Variants in CLPTM1 observed in about 807,000 individuals in gnomAD.
The protein encoded by CLPTM1 is CLPTM1 regulator of GABA type A receptor forward trafficking.
A neutral mutation model predicts 77.3 loss-of-function variants in CLPTM1; 21 were observed. That is an observed-to-expected ratio of 0.27 (90% CI 0.19 to 0.39). The LOEUF (loss-of-function observed/expected upper bound fraction) is 0.39, where lower values mean the gene tolerates loss of function less well. Ranked by LOEUF, CLPTM1 falls within the 10% of genes least tolerant of loss-of-function variation. The pLI is 1.00. For synonymous variants in CLPTM1, 373 were observed against 381.0 expected (o/e 0.98, Z 0.24); for missense variants, 642 against 921.2 (o/e 0.70, Z 3.92).
intron 7 of CLPTM1, chr19:44,986,780 A>G: frequency 3.3e-6 from 2 of 604,236 alleles, no homozygotes; most frequent in South Asian, 2.3e-5. Context: ...TGACTTCTAC[A>G]CGCCAGCATC....
chr19:44,966,402 C>T (rs535418878), intron 2 of CLPTM1, among the ~76,000 whole-genome samples: 1 of 132,716 alleles, frequency 7.5e-6, no homozygotes, highest in East Asian at 2.2e-4. Flanking sequence ...CAGAGCGAGA[C>T]ACAGTCTCAA....
At chr19:44,978,675 T>C (rs1160968220) in intron 5 of CLPTM1, among the ~76,000 whole-genome samples, 1 of 152,146 alleles carries the variant, frequency 6.6e-6, no homozygotes, top group Non-Finnish European at 1.5e-5. Context: ...CCACTTCTAC[T>C]CCCATGATAA....
intron 5 of CLPTM1, chr19:44,984,533 C>T (rs1433057642): frequency 3.3e-5 from 5 of 152,316 alleles, no homozygotes; most frequent in Non-Finnish European, 5.9e-5. Context: ...GTTCCTGGGA[C>T]ACGGGGCAGC....
intron 1 of CLPTM1, among the ~76,000 whole-genome samples, chr19:44,958,675 T>C (rs1477980382): frequency 6.6e-6 from 1 of 152,130 alleles, no homozygotes; most frequent in African/African-American, 2.4e-5. Flanking sequence ...TCCAGCCTTG[T>C]GGTATAATTT....
chr19:44,976,042 A>T (rs1970801356), intron 4 of CLPTM1, among the ~76,000 whole-genome samples: 1 of 151,846 alleles, frequency 6.6e-6, no homozygotes, highest in African/African-American at 2.4e-5. Context: ...TTTTGTAGAG[A>T]TGGGGTCTCA....
intron 1 of CLPTM1, 105 bp from the exon 2 acceptor site, chr19:44,961,858 G>A (rs146293803): frequency 2.4e-5 from 15 of 627,088 alleles, no homozygotes; most frequent in African/African-American, 1.5e-4. Context: ...TTATTGATAA[G>A]CACCCACTCT....
chr19:44,955,378 G>C, upstream of CLPTM1: 3 of 1,328,500 alleles, frequency 2.3e-6, no homozygotes, highest in Middle Eastern at 2.8e-4. Flanking sequence ...GGCGGGGGCG[G>C]GGACCCGGAG....
intron 2 of CLPTM1, among the ~76,000 whole-genome samples, chr19:44,966,562 G>T (rs974546626): frequency 6.6e-6 from 1 of 152,118 alleles, no homozygotes; most frequent in Non-Finnish European, 1.5e-5. Context: ...GTCAGATAGC[G>T]TGTAAGAGCA....
intron 1 of CLPTM1, among the ~76,000 whole-genome samples, chr19:44,960,344 T>C (rs1010739881): frequency 6.6e-6 from 1 of 152,212 alleles, no homozygotes; most frequent in Admixed American, 6.5e-5. Flanking sequence ...ACCGTTCTAG[T>C]GTGTTTCCTT....
At chr19:44,958,413 C>T (rs1015983260) in intron 1 of CLPTM1, among the ~76,000 whole-genome samples, 4 of 150,624 alleles carry the variant, frequency 2.7e-5, no homozygotes, top group African/African-American at 7.3e-5. Flanking sequence ...TTTTCTGAGA[C>T]GGAGTCTCGC....
rs908610675 is a variant in CLPTM1, at chr19:44,961,964, T to C, written c.74T>C (p.Val25Ala). The C allele has an allele frequency of 6.2e-7, 1 of 1,601,134 alleles. No individual in the cohort carries two copies. The highest frequency in any genetic ancestry group is 8.5e-7 in the Non-Finnish European group (1 of 1,175,032). Residue 25 changes from valine to alanine, a missense_variant and splice_region_variant, in exon 2 of 14, where the codon GTG (valine) becomes GCG (alanine). Val to Ala is a moderately conservative substitution (Grantham distance 64). This residue lies in a region of CLPTM1 where 121 missense variants were observed against 120.8 expected (regional missense o/e 1.00). Coordinates refer to ENST00000337392, the MANE Select transcript of CLPTM1 (RefSeq NM_001294.4). The part of the protein sequence containing the change: ...VAAGGGSSGQ[V>A]TSNGSIGRDP... The stretch of plus-strand genomic sequence containing the variant: ...TACCCTGGCCTCTGTCCCCCACAGG[T>C]GACCAGCAATGGCAGCATCGGGAGG...
At chr19:44,985,130 C>A in intron 5 of CLPTM1, 88 bp from the exon 6 acceptor site, 1 of 851,318 alleles carries the variant, frequency 1.2e-6, no homozygotes, top group Admixed American at 2.0e-5. Flanking sequence ...AGACCGTGAG[C>A]CGTTGCTGGT....
rs376584531 is a variant in CLPTM1 at position 44,992,936 on chromosome 19, A to G, written c.*39A>G. ...TCACCTGCTCCGGCTCCTGGCGACCACTACCCCTGCGTCCCGGCCCCCTCG... is the reference window on the plus strand; with the variant it reads ...TCACCTGCTCCGGCTCCTGGCGACCGCTACCCCTGCGTCCCGGCCCCCTCG... On this transcript the variant is annotated 3_prime_UTR_variant, in exon 14 of 14. Transcript: ENST00000337392. The surrounding 1 kb of genome is among the most constrained non-coding windows in gnomAD (Gnocchi z 7.7). 2.5e-6 allele frequency: 4 copies of G among 1,598,462 alleles called. No individual in the cohort carries two copies. The highest frequency in any genetic ancestry group is 2.6e-6 in the Non-Finnish European group (3 of 1,173,734).
At position 44,990,795 on chromosome 19, in the gene CLPTM1, C is replaced by T; in HGVS notation, c.1324-55C>T. The T allele has an allele frequency of 1.3e-6, 2 of 1,484,080 alleles. No homozygotes were observed. The highest frequency in any genetic ancestry group is 1.9e-6 in the Non-Finnish European group (2 of 1,068,212). The allele number at this position is 1,484,080 out of a possible 1,614,324, so 91.9% of individuals were successfully genotyped here. A position where few individuals can be genotyped will look rare whatever the true frequency, so the allele number is the denominator to read the frequency against. On this transcript the variant is annotated intron_variant, in intron 10 of 13. Transcript: ENST00000337392. This position sits in a 1 kb window ranked among gnomAD's most constrained non-coding sequence, Gnocchi z 4.8. The stretch of plus-strand genomic sequence containing the variant: ...GGGGAAGGGCAGGGGCTGGTTCTGG[C>T]TTGTGGGGTGGGAGCCAGCGTAGCA...
At chr19:44,966,856 T>C (rs1600016827) in intron 2 of CLPTM1, among the ~76,000 whole-genome samples, 1 of 151,980 alleles carries the variant, frequency 6.6e-6, no homozygotes, top group Non-Finnish European at 1.5e-5. Flanking sequence ...TCTCTTTTTT[T>C]TGGGAGACAG....
chr19:44,987,646 C>G, intron 8 of CLPTM1: 2 of 609,890 alleles, frequency 3.3e-6, no homozygotes, highest in Non-Finnish European at 5.7e-6. Context: ...CTGTTGGACC[C>G]TTTGGGTCCA....
At chr19:44,969,791 G>A (rs554686437) in intron 2 of CLPTM1, among the ~76,000 whole-genome samples, 135 of 150,880 alleles carry the variant, frequency 8.9e-4, no homozygotes, top group African/African-American at 2.9e-3. Flanking sequence ...AGGTTCAAGC[G>A]ATTCTTTTGC....
At position 44,990,575 on chromosome 19, in the gene CLPTM1, TGG is replaced by T; in HGVS notation, c.1314_1315del (p.Met438IlefsTer34). 6.2e-7 allele frequency: 1 copy of T among 1,613,658 alleles called. No individual in the cohort carries two copies. Among genetic ancestry groups the T allele is most frequent in the Non-Finnish European group, 8.5e-7 (1 of 1,179,754 alleles). ...GACCTCTGGAAGATCACCAAGGTCATGGACGTCCGGGTAAGGCTGGGGCGCCA... is the reference window on the plus strand; with the variant it reads ...GACCTCTGGAAGATCACCAAGGTCATACGTCCGGGTAAGGCTGGGGCGCCA... On this transcript the variant is annotated frameshift_variant, in exon 10 of 14. Transcript: ENST00000337392. LOFTEE classifies it high-confidence loss of function. This position sits in a 1 kb window ranked among gnomAD's most constrained non-coding sequence, Gnocchi z 4.8.
At position 44,973,070 on chromosome 19, in the gene CLPTM1, G is replaced by C. The variant is rs1970746530; in HGVS notation, c.186-17G>C. On this transcript the variant is annotated splice_polypyrimidine_tract_variant and intron_variant, in intron 2 of 13. Coordinates refer to ENST00000337392, the MANE Select transcript of CLPTM1 (RefSeq NM_001294.4). The stretch of plus-strand genomic sequence containing the variant: ...CCAAGGCTTGGGGACTCACCACCTT[G>C]CTGCTTCTCTCCTCAGGATCTTCAT... 6.2e-7 allele frequency: 1 copy of C among 1,612,226 alleles called. No homozygotes were observed. Among genetic ancestry groups the C allele is most frequent in the Non-Finnish European group, 8.5e-7 (1 of 1,178,816 alleles).
Sources: gnomAD v4.1 joint callset for allele counts (sites outside exome capture counted in the v4.1 genomes callset) on GRCh38, gnomAD v4.1.1 for gene constraint, gnomAD v4.1.1 regional missense constraint, Gnocchi (gnomAD v3.1) non-coding constraint, MANE v1.5 for transcripts, NCBI Gene and HGNC (gene_info 2026-07-23, HGNC 2026-07-21) for gene names.